Variants in METAP1D observed in about 807,000 individuals in gnomAD.
METAP1D encodes methionyl aminopeptidase type 1D, mitochondrial, also known as methionine aminopeptidase 1D, mitochondrial.
Under a neutral mutation model 40.5 loss-of-function variants are expected in METAP1D, and 31 were observed. The observed-to-expected ratio is 0.77, with a 90% CI of 0.58 to 1.03. The LOEUF (loss-of-function observed/expected upper bound fraction) is 1.03, where lower values mean the gene tolerates loss of function less well. Among genes scored for constraint, METAP1D ranks in the 50% least tolerant of loss-of-function variants. METAP1D has a pLI of 0.00. For missense variants in METAP1D, 411 were observed against 420.7 expected (o/e 0.98, Z 0.20); for synonymous variants, 151 against 146.4 (o/e 1.03, Z -0.22).
At chr2:172,078,939 G>A (rs1303575557) in intron 7 of METAP1D, among the ~76,000 whole-genome samples, 3 of 152,158 alleles carry the variant, frequency 2.0e-5, no homozygotes, top group Admixed American at 1.3e-4. Context: ...GAAGCCTGAC[G>A]TGTCTGAAAC....
chr2:172,043,096 CATAT>C (rs1240909940), intron 1 of METAP1D, among the ~76,000 whole-genome samples: 1 of 6,032 alleles, frequency 1.7e-4, no homozygotes, highest in African/African-American at 2.1e-4. Context: ...TATTTACATA[CATAT>C]ATATATATAT....
chr2:172,003,240 A>G (rs1039021676), intron 1 of METAP1D, among the ~76,000 whole-genome samples: 1 of 152,130 alleles, frequency 6.6e-6, no homozygotes, highest in African/African-American at 2.4e-5. Context: ...AGGGACTAAA[A>G]TACTCCCAAG....
At chr2:172,056,046 CT>C (rs1053781501) in intron 1 of METAP1D, among the ~76,000 whole-genome samples, 5 of 152,144 alleles carry the variant, frequency 3.3e-5, no homozygotes, top group Non-Finnish European at 5.9e-5. Flanking sequence ...AAGATTCCCC[CT>C]ATAATGACTG....
In METAP1D at chr2:172,070,879, A is replaced by G. The variant is rs377741361; in HGVS notation, c.541-28A>G. ...GGAAAGTAGATTTTTAAACAAGGAC[A>G]TATTTTTAAATTTCTGCTTATGTTT... On this transcript the variant is annotated intron_variant, in intron 5 of 9. Coordinates refer to ENST00000315796, the MANE Select transcript of METAP1D (RefSeq NM_199227.3). 20 of 1,559,748 alleles carry G rather than the reference A, an allele frequency of 1.3e-5. No homozygotes were observed. In the African/African-American group the frequency reaches 2.5e-4, roughly 19 times the overall value.
At chr2:172,002,991 G>A (rs901449604) in intron 1 of METAP1D, among the ~76,000 whole-genome samples, 1 of 152,042 alleles carries the variant, frequency 6.6e-6, no homozygotes. Context: ...CTCCTTACTA[G>A]ATTATTAATT....
intron 1 of METAP1D, among the ~76,000 whole-genome samples, chr2:172,055,801 G>A (rs1689989699): frequency 6.6e-6 from 1 of 152,208 alleles, no homozygotes; most frequent in South Asian, 2.1e-4. Flanking sequence ...TGAATACAGT[G>A]TAGAACCATA....
chr2:172,050,764 A>C (rs1321566433), intron 1 of METAP1D, among the ~76,000 whole-genome samples: 1 of 152,156 alleles, frequency 6.6e-6, no homozygotes, highest in Non-Finnish European at 1.5e-5. Flanking sequence ...CTCTGATGAG[A>C]GCTTGTCTTT....
chr2:172,018,171 A>C (rs1288235038), intron 1 of METAP1D, among the ~76,000 whole-genome samples: 2 of 151,582 alleles, frequency 1.3e-5, no homozygotes, highest in African/African-American at 2.4e-5. Context: ...CTGAAGTAAA[A>C]TGAAACAAAA....
intron 1 of METAP1D, among the ~76,000 whole-genome samples, chr2:172,005,523 TATA>T (rs1558990253): frequency 4.4e-5 from 4 of 90,622 alleles, no homozygotes; most frequent in African/African-American, 1.5e-4. Context: ...CTGTATTTTA[TATA>T]TATATATATA....
At chr2:172,025,578 C>T (rs1260803239) in intron 1 of METAP1D, among the ~76,000 whole-genome samples, 1 of 152,166 alleles carries the variant, frequency 6.6e-6, no homozygotes, top group Non-Finnish European at 1.5e-5. Flanking sequence ...GTTCTGCCCA[C>T]CTCAGCCTCC....
intron 1 of METAP1D, among the ~76,000 whole-genome samples, chr2:172,009,942 G>A (rs923283280): frequency 1.3e-5 from 2 of 152,226 alleles, no homozygotes; most frequent in East Asian, 3.9e-4. Context: ...CATCAAAGCA[G>A]AAAAGGAGGA....
Position 172,054,889 on chromosome 2 carries a change from G to T in METAP1D, c.41-6609G>T, listed in dbSNP as rs1035883155. ...AAAAATAATTCTTATTATTACCTTT[G>T]ATAACAGTAACTATTCTAGTATTCA... On this transcript the variant is annotated intron_variant, in intron 1 of 9. Transcript: ENST00000315796. 2.0e-5 allele frequency among the ~76,000 whole-genome samples: 3 copies of T among 152,116 alleles called. No individual in the cohort carries two copies. In the South Asian group the frequency reaches 6.2e-4, roughly 32 times the overall value.
chr2:172,024,391 T>C (rs1689075840), intron 1 of METAP1D, among the ~76,000 whole-genome samples: 1 of 152,128 alleles, frequency 6.6e-6, no homozygotes, highest in Non-Finnish European at 1.5e-5. Flanking sequence ...TCATACTTTC[T>C]CTAGTTACCT....
intron 5 of METAP1D, among the ~76,000 whole-genome samples, chr2:172,067,101 G>T (rs1049351216): frequency 1.3e-5 from 2 of 152,204 alleles, no homozygotes; most frequent in East Asian, 1.9e-4. Context: ...GTTTATTAAA[G>T]AATTTTGTAA....
At chr2:172,010,373 C>T (rs1260190842) in intron 1 of METAP1D, among the ~76,000 whole-genome samples, 1 of 148,926 alleles carries the variant, frequency 6.7e-6, no homozygotes, top group East Asian at 2.0e-4. Context: ...AACTCTTGAG[C>T]TCAAGTGATT....
At chr2:172,078,602 A>G (rs141161978) in intron 7 of METAP1D, among the ~76,000 whole-genome samples, 134 of 151,892 alleles carry the variant, frequency 8.8e-4, no homozygotes, top group African/African-American at 3.2e-3. Flanking sequence ...TAGAAGGACT[A>G]CTCTTTCGGA....
rs1002550391 is a variant in METAP1D at position 172,044,760 on chromosome 2, G to C, written c.41-16738G>C. On this transcript the variant is annotated intron_variant, in intron 1 of 9. Coordinates refer to ENST00000315796, the MANE Select transcript of METAP1D (RefSeq NM_199227.3). ...CATTTCTACTTAAAATACAAAATTA[G>C]CTGGTCGTGGTGGCACATGCCTGTA... 3.0e-5 allele frequency among the ~76,000 whole-genome samples: 4 copies of C among 133,934 alleles called. 2 individuals carry two copies. Among genetic ancestry groups the C allele is most frequent in the Admixed American group, 1.5e-4 (2 of 13,486 alleles). 87.9% of individuals were successfully genotyped at this position (133,934 alleles called of 152,430 possible).
intron 1 of METAP1D, among the ~76,000 whole-genome samples, chr2:172,055,596 T>TC (rs1465969011): frequency 6.6e-6 from 1 of 152,166 alleles, no homozygotes; most frequent in Non-Finnish European, 1.5e-5. Context: ...TTTCTTCATT[T>TC]CCCCTGTGAA....
intron 1 of METAP1D, among the ~76,000 whole-genome samples, chr2:172,046,181 T>C (rs897123366): frequency 1.3e-5 from 2 of 151,926 alleles, no homozygotes; most frequent in Admixed American, 1.3e-4. Context: ...TCTGTAACTC[T>C]TCCTTCTCCT....
Sources: gnomAD v4.1 joint callset for allele counts (sites outside exome capture counted in the v4.1 genomes callset) on GRCh38, gnomAD v4.1.1 for gene constraint, MANE v1.5 for transcripts, NCBI Gene and HGNC (gene_info 2026-07-23, HGNC 2026-07-21) for gene names.